Variants in PTPN13 observed in about 807,000 individuals in gnomAD.
The protein encoded by PTPN13 is tyrosine-protein phosphatase non-receptor type 13.
In PTPN13, 191 loss-of-function variants were observed where a neutral mutation model predicts 284.0. The observed-to-expected ratio is 0.67, with a 90% CI of 0.60 to 0.76. The LOEUF (loss-of-function observed/expected upper bound fraction) is 0.76, where lower values mean the gene tolerates loss of function less well. PTPN13 is among the 30% of genes least tolerant of loss of function. PTPN13 has a pLI of 0.00. For missense variants in PTPN13, 2,797 were observed against 2,939.9 expected, an observed-to-expected ratio of 0.95 and a Z score of 1.12; for synonymous variants, 986 against 1,022.3, an observed-to-expected ratio of 0.96 and a Z score of 0.68.
At chr4:86,707,709 A>C (rs1392753730) in intron 7 of PTPN13, among the ~76,000 whole-genome samples, 3 of 152,138 alleles carry the variant, frequency 2.0e-5, no homozygotes, top group Non-Finnish European at 4.4e-5. Context: ...AATAGCAAGA[A>C]AAAAATGATT....
In PTPN13 at chr4:86,598,617, G is replaced by T. The variant is rs1262124932; in HGVS notation, c.-6+3828G>T. ...AATGTGTAACTTGAATCTGGCTGGTGAAAAGGCCCTCTTTACCTACTAGCC... is the reference window on the plus strand; with the variant it reads ...AATGTGTAACTTGAATCTGGCTGGTTAAAAGGCCCTCTTTACCTACTAGCC... On this transcript the variant is annotated intron_variant, in intron 1 of 47. Transcript: ENST00000411767. Among the ~76,000 whole-genome samples, 3 of 152,172 alleles carry T rather than the reference G, an allele frequency of 2.0e-5. No homozygotes were observed. In the South Asian group the frequency reaches 6.2e-4, roughly 32 times the overall value.
Position 86,809,917 on chromosome 4 carries a change from G to C in PTPN13, c.7232G>C (p.Gly2411Ala). Reference protein sequence around the residue: ...SGPIITHCSAGIGRSGTLICI... With the variant: ...SGPIITHCSAAIGRSGTLICI... ...CCAATCATTACGCACTGCAGTGCTG[G>C]CATTGGACGTTCAGGGACCCTGATT... The change falls in exon 46 of 48, where the codon GGC becomes GCC. Residue 2411 changes from glycine to alanine, a missense_variant. Physicochemically the swap from Gly to Ala is moderately conservative, Grantham distance 60. Transcript: ENST00000411767. 1.2e-6 allele frequency: 2 copies of C among 1,613,966 alleles called. No homozygotes were observed.
At chr4:86,673,801 G>T (rs1037086130) in intron 3 of PTPN13, among the ~76,000 whole-genome samples, 1 of 152,122 alleles carries the variant, frequency 6.6e-6, no homozygotes, top group African/African-American at 2.4e-5. Context: ...TCTGCCTCCT[G>T]GGTTCAAGCA....
intron 9 of PTPN13, among the ~76,000 whole-genome samples, chr4:86,718,455 C>CTTTTTTTTTTTTTTTTTTTTTT (rs796389778): frequency 0.011 from 1,598 of 139,630 alleles, 68 homozygotes; most frequent in Non-Finnish European, 0.018. Flanking sequence ...TAATGGTCCA[C>CTTTTTTTTTTTTTTTTTTTTTT]TTTTTTTTTT....
At chr4:86,694,832 T>C (rs1221940217) in intron 6 of PTPN13, among the ~76,000 whole-genome samples, 3 of 152,122 alleles carry the variant, frequency 2.0e-5, no homozygotes, top group Non-Finnish European at 4.4e-5. Flanking sequence ...TAGAAGTAAA[T>C]GTACAGATTG....
intron 21 of PTPN13, 58 bp downstream of exon 21, chr4:86,758,407 C>G: frequency 7.2e-7 from 1 of 1,389,080 alleles, no homozygotes; most frequent in Non-Finnish European, 1.0e-6. Flanking sequence ...GAGGAAAAGT[C>G]TATAGCATAG....
At chr4:86,734,135 C>T (rs910494715) in intron 12 of PTPN13, among the ~76,000 whole-genome samples, 168 bp from the exon 13 acceptor site, 2 of 152,106 alleles carry the variant, frequency 1.3e-5, no homozygotes, top group African/African-American at 4.8e-5. Flanking sequence ...ATATTGCCTC[C>T]CATCTAAATG....
In PTPN13 at chr4:86,672,240, A is replaced by G. The variant is rs952669752; in HGVS notation, c.116-125A>G. ...CATGTTGATTTGGTATATGTTAACTACTTATTAACATCTATACAAATAGGC... is the reference window on the plus strand; with the variant it reads ...CATGTTGATTTGGTATATGTTAACTGCTTATTAACATCTATACAAATAGGC... On this transcript the variant is annotated intron_variant, in intron 2 of 47. Coordinates refer to ENST00000411767, the MANE Select transcript of PTPN13 (RefSeq NM_080683.3). 72 of 721,790 alleles carry G rather than the reference A, an allele frequency of 1.0e-4. No homozygotes were observed. The African/African-American group carries it at 1.2e-3, about 12-fold the overall frequency. 44.7% of individuals were successfully genotyped at this position (721,790 alleles called of 1,614,324 possible). A position where few individuals can be genotyped will look rare whatever the true frequency, so the allele number is the denominator to read the frequency against.
At chr4:86,605,291 A>G (rs781193511) in intron 1 of PTPN13, among the ~76,000 whole-genome samples, 2 of 151,946 alleles carry the variant, frequency 1.3e-5, no homozygotes, top group Admixed American at 6.6e-5. Flanking sequence ...GATCAGTTGA[A>G]TATTGCAGGG....
intron 2 of PTPN13, among the ~76,000 whole-genome samples, chr4:86,643,522 G>T (rs1287184217): frequency 6.6e-6 from 1 of 152,098 alleles, no homozygotes; most frequent in Non-Finnish European, 1.5e-5. Flanking sequence ...TCTTATTAGG[G>T]AATAAATCTG....
chr4:86,714,423 C>G (rs1732775705), intron 7 of PTPN13, among the ~76,000 whole-genome samples: 1 of 152,064 alleles, frequency 6.6e-6, no homozygotes, highest in South Asian at 2.1e-4. Context: ...TCTCCTGTTT[C>G]CTTCAAAACA....
chr4:86,603,941 A>T (rs1432381837), intron 1 of PTPN13, among the ~76,000 whole-genome samples: 3 of 152,072 alleles, frequency 2.0e-5, no homozygotes, highest in Admixed American at 2.0e-4. Flanking sequence ...TAATAATATG[A>T]TTAATTTATA....
chr4:86,760,560 C>G (rs1169970483), intron 23 of PTPN13, among the ~76,000 whole-genome samples: 1 of 152,180 alleles, frequency 6.6e-6, no homozygotes, highest in African/African-American at 2.4e-5. Context: ...ATGGAAGTTA[C>G]TCTTTATCAG....
At chr4:86,790,349 A>T (rs1222652201) in intron 40 of PTPN13, among the ~76,000 whole-genome samples, 1 of 152,154 alleles carries the variant, frequency 6.6e-6, no homozygotes, top group Non-Finnish European at 1.5e-5. Flanking sequence ...ATTTTTATTA[A>T]ATGGATGAAA....
intron 30 of PTPN13, 79 bp from the exon 31 acceptor site, chr4:86,771,092 G>C (rs1168090537): frequency 1.4e-6 from 2 of 1,426,702 alleles, no homozygotes; most frequent in Non-Finnish European, 1.9e-6. Flanking sequence ...GTAGAAAGTT[G>C]TTCAATGGTT....
At chr4:86,720,324 T>C (rs1733510578) in intron 9 of PTPN13, among the ~76,000 whole-genome samples, 1 of 152,172 alleles carries the variant, frequency 6.6e-6, no homozygotes, top group South Asian at 2.1e-4. Context: ...TTTGATTGTT[T>C]CCAGATTTTA....
At chr4:86,684,124 C>G (rs1378631771) in intron 3 of PTPN13, among the ~76,000 whole-genome samples, 12 of 151,420 alleles carry the variant, frequency 7.9e-5, no homozygotes, top group Admixed American at 6.6e-5. Flanking sequence ...AGCTGTTTCC[C>G]TCAAGGAGGA....
chr4:86,680,141 A>C (rs549894500), intron 3 of PTPN13, among the ~76,000 whole-genome samples: 1 of 152,310 alleles, frequency 6.6e-6, no homozygotes, highest in South Asian at 2.1e-4. Flanking sequence ...GCATCCAAGA[A>C]ATAGTAACTA....
chr4:86,696,694 ATTGT>A (rs1338026279), intron 6 of PTPN13, among the ~76,000 whole-genome samples: 4 of 151,960 alleles, frequency 2.6e-5, no homozygotes, highest in African/African-American at 4.8e-5. Flanking sequence ...CCTTAAGTAG[ATTGT>A]TTGTTGATTT....
Sources: allele counts gnomAD v4.1 joint callset (sites outside exome capture counted in the v4.1 genomes callset), GRCh38; gene constraint gnomAD v4.1.1; transcripts MANE v1.5; gene names NCBI Gene and HGNC (gene_info 2026-07-23, HGNC 2026-07-21).